RICTOR: variants seen among roughly 807,000 people sequenced by gnomAD.
RICTOR encodes the protein rapamycin-insensitive companion of mTOR.
A neutral mutation model predicts 214.9 loss-of-function variants in RICTOR; 49 were observed. That is an observed-to-expected ratio of 0.23 (90% CI 0.18 to 0.29). The LOEUF (loss-of-function observed/expected upper bound fraction) is 0.29, where lower values mean the gene tolerates loss of function less well. RICTOR is among the 10% of genes least tolerant of loss of function. The pLI, the probability that RICTOR is intolerant of heterozygous loss-of-function variation, is 1.00. For missense variants in RICTOR, 1,625 were observed against 2,047.0 expected (o/e 0.79, Z 3.98); for synonymous variants, 717 against 711.3 (o/e 1.01, Z -0.13).
At chr5:39,043,353 A>C (rs1392822021) in intron 2 of RICTOR, among the ~76,000 whole-genome samples, 1 of 152,208 alleles carries the variant, frequency 6.6e-6, no homozygotes, top group Non-Finnish European at 1.5e-5. Flanking sequence ...ATGAACCAGG[A>C]GGACATGATC....
At chr5:39,061,737 T>G (rs188287694) in intron 2 of RICTOR, among the ~76,000 whole-genome samples, 119 of 152,096 alleles carry the variant, frequency 7.8e-4, no homozygotes, top group Non-Finnish European at 1.2e-3. Context: ...AAACAATGCA[T>G]AGCAAAAGGC....
At chr5:38,988,852 G>A (rs544006171) in intron 7 of RICTOR, among the ~76,000 whole-genome samples, 16 of 152,150 alleles carry the variant, frequency 1.1e-4, no homozygotes, top group African/African-American at 3.1e-4. Flanking sequence ...CACTGCTCAA[G>A]GAAATAAGAG....
chr5:38,960,185 C>T (rs1749669859), intron 20 of RICTOR, among the ~76,000 whole-genome samples: 1 of 147,460 alleles, frequency 6.8e-6, no homozygotes, highest in Non-Finnish European at 1.5e-5. Context: ...GAAGAGTAAA[C>T]CAGGTTTTCT....
At chr5:38,990,864 T>TAGATATATGAG in intron 7 of RICTOR, 85 bp downstream of exon 7, 1 of 658,564 alleles carries the variant, frequency 1.5e-6, no homozygotes, top group Non-Finnish European at 2.4e-6. Context: ...ATATATATGA[T>TAGATATATGAG]AGATATATGA....
rs747535654 is a variant in RICTOR, at chr5:38,966,660, A to G, written c.1280T>C (p.Leu427Ser). 1.3e-6 allele frequency: 2 copies of G among 1,571,858 alleles called. No individual in the cohort carries two copies. The highest frequency in any genetic ancestry group is 2.3e-5 in the South Asian group (2 of 88,662). ...DHISVRATIL[L>S]GELLHMANTI... ...ACTTACCATATGTAAAAGCTCTCCT[A>G]AAAGGATGGTAGCTCTAACTGAGAT... is the stretch of plus-strand genomic sequence containing the variant. Residue 427 changes from leucine to serine, a missense_variant, in exon 15 of 38, where the codon TTA becomes TCA. Physicochemically the swap from Leu to Ser is moderately radical, Grantham distance 145. This residue lies in a region of RICTOR where 1,214 missense variants were observed against 1,470.5 expected (regional missense o/e 0.83). Coordinates refer to ENST00000357387, the MANE Select transcript of RICTOR (RefSeq NM_152756.5).
At chr5:39,060,860 T>C (rs910029973) in intron 2 of RICTOR, among the ~76,000 whole-genome samples, 1 of 152,010 alleles carries the variant, frequency 6.6e-6, no homozygotes, top group Non-Finnish European at 1.5e-5. Flanking sequence ...GGTTTTAGAA[T>C]CAGAAACAAA....
At chr5:39,033,597 A>G (rs1179006633) in intron 2 of RICTOR, among the ~76,000 whole-genome samples, 1 of 152,150 alleles carries the variant, frequency 6.6e-6, no homozygotes, top group Non-Finnish European at 1.5e-5. Context: ...TGATGGCAGA[A>G]AGAGTTATGG....
chr5:39,012,708 C>G (rs1467252614), intron 3 of RICTOR, among the ~76,000 whole-genome samples: 1 of 152,086 alleles, frequency 6.6e-6, no homozygotes, highest in African/African-American at 2.4e-5. Context: ...AAATCATTGA[C>G]TATGTTTAGA....
At position 38,941,077 on chromosome 5, in the gene RICTOR, TG is replaced by T. The variant is rs1457335752; in HGVS notation, c.*1226del. ...ATTTTTATATACAAATTTGCATATA[TG>T]TTTAATTCCTGTAAAAAGTTCCAAA... is the stretch of plus-strand genomic sequence containing the variant. On this transcript the variant is annotated 3_prime_UTR_variant, in exon 38 of 38. Transcript: ENST00000357387. 1.7e-5 allele frequency: 4 copies of T among 232,918 alleles called. No individual in the cohort carries two copies. In the East Asian group the frequency reaches 1.8e-4, roughly 11 times the overall value. The allele number at this position is 232,918 out of a possible 1,614,324, so 14.4% of individuals were successfully genotyped here. A position where few individuals can be genotyped will look rare whatever the true frequency, so the allele number is the denominator to read the frequency against.
chr5:39,037,733 T>A (rs1200040346), intron 2 of RICTOR, among the ~76,000 whole-genome samples: 2 of 152,272 alleles, frequency 1.3e-5, no homozygotes, highest in East Asian at 1.9e-4. Context: ...ATGGATAAAT[T>A]TCTCGACACA....
chr5:38,966,040 C>T (rs889920867), intron 15 of RICTOR, among the ~76,000 whole-genome samples: 3 of 151,952 alleles, frequency 2.0e-5, no homozygotes, highest in African/African-American at 7.3e-5. Context: ...TAAGAATTGT[C>T]AAATCACTTT....
intron 2 of RICTOR, among the ~76,000 whole-genome samples, chr5:39,073,844 C>G (rs1356774980): frequency 2.0e-5 from 3 of 152,152 alleles, no homozygotes; most frequent in Non-Finnish European, 4.4e-5. Flanking sequence ...CCGGGTCTGC[C>G]GAGTTCCACT....
intron 2 of RICTOR, among the ~76,000 whole-genome samples, chr5:39,023,780 G>A (rs965418869): frequency 2.0e-5 from 3 of 152,170 alleles, no homozygotes; most frequent in Non-Finnish European, 4.4e-5. Flanking sequence ...ACTCCATTCT[G>A]TTATACTGGG....
rs1751831260 is a variant in RICTOR, at chr5:38,982,806, AT to A, written c.584-771del. Among the ~76,000 whole-genome samples the A allele has an allele frequency of 6.9e-3, 3 of 434 alleles. 1 individual carries two copies. The highest frequency in any genetic ancestry group is 8.9e-3 in the African/African-American group (3 of 336). 0.3% of individuals were successfully genotyped at this position (434 alleles called of 152,430 possible). ...TATATATACATATATATACACATACATATATATATATAAACAGTTAACAGTT... is the reference window on the plus strand; with the variant it reads ...TATATATACATATATATACACATACAATATATATATAAACAGTTAACAGTT... On this transcript the variant is annotated intron_variant, in intron 7 of 37. Coordinates refer to ENST00000357387, the MANE Select transcript of RICTOR (RefSeq NM_152756.5).
chr5:38,970,972 GAATAAAGCAT>G, intron 11 of RICTOR: 1 of 152,172 alleles, frequency 6.6e-6, no homozygotes, highest in Non-Finnish European at 1.5e-5. Flanking sequence ...TTGTTTTAAT[GAATAAAGCAT>G]AATAAAGTTC....
chr5:39,024,727 G>A (rs2150141063), intron 2 of RICTOR, among the ~76,000 whole-genome samples: 1 of 152,286 alleles, frequency 6.6e-6, no homozygotes, highest in South Asian at 2.1e-4. Flanking sequence ...GATCTAACAG[G>A]ACTAATAGTT....
At position 39,074,120 on chromosome 5, in the gene RICTOR, G is replaced by C. The variant is rs1230687231; in HGVS notation, c.88C>G (p.Leu30Val). Residue 30 changes from leucine (L) to valine (V), a missense_variant, in exon 2 of 38, where the codon CTG becomes GTG. Leu to Val is a conservative substitution (Grantham distance 32). Around this residue, in one of 5 missense-constraint regions of RICTOR, gnomAD observed 71 missense variants for 57.9 expected, o/e 1.23. Transcript: ENST00000357387. The stretch of plus-strand genomic sequence containing the variant: ...CGGCGCCCCGCGTTACCTCGGGTCA[G>C]ATCCAGCGGGACGTTCTCCTCGCCG... ...DSGEENVPLD[L>V]TREPSDNLRE... 6.3e-7 allele frequency: 1 copy of C among 1,582,536 alleles called. No homozygotes were observed. Among genetic ancestry groups the C allele is most frequent in the East Asian group, 2.5e-5 (1 of 40,500 alleles).
Position 38,941,567 on chromosome 5 carries a change from G to T in RICTOR, c.*737C>A, listed in dbSNP as rs920175653. On this transcript the variant is annotated 3_prime_UTR_variant, in exon 38 of 38. Transcript: ENST00000357387. ...AATATTTTTAATTAAAATAAAAAAT[G>T]ATTTTTAAATTTTATTCAAGAACTG... is the stretch of plus-strand genomic sequence containing the variant. 8.7e-6 allele frequency: 2 copies of T among 230,738 alleles called. No homozygotes were observed. The highest frequency in any genetic ancestry group is 1.7e-5 in the Non-Finnish European group (2 of 116,514). The allele number at this position is 230,738 out of a possible 1,614,324, so 14.3% of individuals were successfully genotyped here. A position where few individuals can be genotyped will look rare whatever the true frequency, so the allele number is the denominator to read the frequency against.
chr5:38,975,659 A>T, intron 9 of RICTOR, 55 bp from the exon 10 acceptor site: 1 of 1,323,878 alleles, frequency 7.6e-7, no homozygotes, highest in Admixed American at 1.7e-5. Context: ...TGTTAAAATG[A>T]GTTTTTTCCT....
Sources: gnomAD v4.1 joint callset for allele counts (sites outside exome capture counted in the v4.1 genomes callset) on GRCh38, gnomAD v4.1.1 for gene constraint, gnomAD v4.1.1 regional missense constraint, MANE v1.5 for transcripts, NCBI Gene and HGNC (gene_info 2026-07-23, HGNC 2026-07-21) for gene names.